ZDHHC17: variants seen among roughly 807,000 people sequenced by gnomAD.
The protein encoded by ZDHHC17 is palmitoyltransferase ZDHHC17.
ZDHHC17 carries 40 observed loss-of-function variants against 90.3 expected under a neutral mutation model. The observed-to-expected ratio is 0.44, with a 90% CI of 0.34 to 0.58. The LOEUF (loss-of-function observed/expected upper bound fraction) is 0.58. ZDHHC17 is among the 20% of genes least tolerant of loss of function. The pLI is 0.01. For missense variants in ZDHHC17, 614 were observed against 780.8 expected, an observed-to-expected ratio of 0.79 and a Z score of 2.55; for synonymous variants, 235 against 252.4, an observed-to-expected ratio of 0.93 and a Z score of 0.65.
intron 5 of ZDHHC17, chr12:76,813,295 A>T (rs1565786922): frequency 4.6e-6 from 2 of 430,230 alleles, no homozygotes; most frequent in East Asian, 7.3e-5. Context: ...CAGAAAACAT[A>T]TTTTTTTTAA....
chr12:76,851,977 A>T lies in ZDHHC17; in HGVS notation c.*992A>T, dbSNP rs1466072241. 3 of 152,638 alleles carry T rather than the reference A, an allele frequency of 2.0e-5. No homozygotes were observed. The highest frequency in any genetic ancestry group is 2.0e-4 in the Admixed American group (3 of 15,286). The allele number at this position is 152,638 out of a possible 1,614,324, so 9.5% of individuals were successfully genotyped here. ...AAGATGGAGCATGATCTAAGTACAT[A>T]GCACATGTGAATAAAAGAAAAGCTG... On this transcript the variant is annotated 3_prime_UTR_variant, in exon 17 of 17. Transcript: ENST00000426126.
At position 76,822,318 on chromosome 12, in the gene ZDHHC17, A is replaced by G; in HGVS notation, c.772-88A>G. 2.6e-6 allele frequency: 4 copies of G among 1,518,808 alleles called. No homozygotes were observed. The South Asian group carries it at 3.6e-5, about 14-fold the overall frequency. 94.1% of individuals were successfully genotyped at this position (1,518,808 alleles called of 1,614,324 possible). On this transcript the variant is annotated intron_variant, in intron 7 of 16. Transcript: ENST00000426126. ...TCAAAACAACGTTAATAGGGCAGTAAATTAATTTTTATAGAAGTTCTTTAA... is the reference window on the plus strand; with the variant it reads ...TCAAAACAACGTTAATAGGGCAGTAGATTAATTTTTATAGAAGTTCTTTAA...
At chr12:76,773,379 TC>T (rs1273734829) in intron 1 of ZDHHC17, among the ~76,000 whole-genome samples, 1 of 152,210 alleles carries the variant, frequency 6.6e-6, no homozygotes, top group African/African-American at 2.4e-5. Flanking sequence ...TTAGTAATAT[TC>T]ATTTAAAGTT....
intron 10 of ZDHHC17, among the ~76,000 whole-genome samples, chr12:76,837,366 G>A (rs988032729): frequency 2.0e-5 from 3 of 152,104 alleles, no homozygotes; most frequent in Non-Finnish European, 4.4e-5. Context: ...GTGGTGGTGC[G>A]TGCCTATAGT....
At chr12:76,797,408 C>G (rs1219680608) in intron 1 of ZDHHC17, 26 bp from the exon 2 acceptor site, 1 of 1,530,982 alleles carries the variant, frequency 6.5e-7, no homozygotes, top group South Asian at 1.2e-5. Flanking sequence ...TCAATTCTTG[C>G]CTGTGTGTGA....
At position 76,764,343 on chromosome 12, in the gene ZDHHC17, C is replaced by T. The variant is rs772715253; in HGVS notation, c.93+14C>T. 5.1e-6 allele frequency: 8 copies of T among 1,574,922 alleles called. No individual in the cohort carries two copies. In the South Asian group the frequency reaches 7.0e-5, roughly 14 times the overall value. On this transcript the variant is annotated intron_variant, in intron 1 of 16. Transcript: ENST00000426126. ...CTCCACCCAGAGGTGAGGAACCGTG[C>T]TGAGTGGATTCCTTGCCCTGCGGCC...
intron 1 of ZDHHC17, among the ~76,000 whole-genome samples, chr12:76,794,113 C>T (rs969240722): frequency 6.6e-5 from 10 of 152,146 alleles, no homozygotes; most frequent in Admixed American, 1.3e-4. Context: ...TCTCAACCTC[C>T]TGACCTTGTG....
At chr12:76,809,661 T>C (rs958589472) in intron 4 of ZDHHC17, 52 bp from the exon 5 acceptor site, 3 of 1,335,716 alleles carry the variant, frequency 2.2e-6, no homozygotes, top group Non-Finnish European at 2.9e-6. Flanking sequence ...TCCCAGAGGA[T>C]CCTGTTTGAA....
intron 2 of ZDHHC17, among the ~76,000 whole-genome samples, chr12:76,804,653 G>A (rs771582698): frequency 2.0e-5 from 3 of 152,132 alleles, no homozygotes; most frequent in Non-Finnish European, 4.4e-5. Context: ...GGAAAAGGAC[G>A]GGGTAAGGGG....
chr12:76,785,993 T>C (rs545392140), intron 1 of ZDHHC17, among the ~76,000 whole-genome samples: 1 of 152,312 alleles, frequency 6.6e-6, no homozygotes, highest in Admixed American at 6.5e-5. Context: ...CCATTTGTGA[T>C]AATATTAATA....
chr12:76,846,904 C>T (rs1953502060), intron 14 of ZDHHC17, among the ~76,000 whole-genome samples: 2 of 152,274 alleles, frequency 1.3e-5, no homozygotes, highest in South Asian at 4.1e-4. Flanking sequence ...TACTTGTGTC[C>T]TCTGAAAAAC....
chr12:76,835,112 G>A (rs575197787), intron 10 of ZDHHC17, among the ~76,000 whole-genome samples: 2 of 149,300 alleles, frequency 1.3e-5, no homozygotes, highest in African/African-American at 2.5e-5. Flanking sequence ...GTGCATTGGC[G>A]CAATCTCAAC....
chr12:76,845,926 T>G, intron 13 of ZDHHC17, 124 bp downstream of exon 13: 1 of 498,500 alleles, frequency 2.0e-6, no homozygotes, highest in East Asian at 3.4e-5. Context: ...CTCAGTTATC[T>G]TCTGGTTGAC....
chr12:76,784,926 T>C (rs1952668207), intron 1 of ZDHHC17, among the ~76,000 whole-genome samples: 1 of 152,194 alleles, frequency 6.6e-6, no homozygotes, highest in Non-Finnish European at 1.5e-5. Context: ...CTCGTTGACT[T>C]TCTGGAATGC....
intron 14 of ZDHHC17, 125 bp from the exon 15 acceptor site, chr12:76,848,108 A>G (rs1953516748): frequency 5.5e-6 from 5 of 916,150 alleles, no homozygotes; most frequent in Admixed American, 2.7e-5. Flanking sequence ...GACATTTGCT[A>G]TTGAATGTCA....
intron 10 of ZDHHC17, among the ~76,000 whole-genome samples, chr12:76,831,276 C>T (rs570152865): frequency 4.6e-5 from 7 of 152,162 alleles, no homozygotes; most frequent in Middle Eastern, 3.4e-3. Context: ...AGTTTATAGC[C>T]AAATTGATTT....
chr12:76,782,284 C>A (rs1565764047), intron 1 of ZDHHC17, among the ~76,000 whole-genome samples: 1 of 152,058 alleles, frequency 6.6e-6, no homozygotes, highest in Non-Finnish European at 1.5e-5. Flanking sequence ...AATAGTTAGG[C>A]CTCCCTCCCT....
At chr12:76,784,631 C>G (rs1420639337) in intron 1 of ZDHHC17, among the ~76,000 whole-genome samples, 1 of 152,158 alleles carries the variant, frequency 6.6e-6, no homozygotes, top group African/African-American at 2.4e-5. Context: ...ATTGGTTCAG[C>G]TTATACAATT....
chr12:76,830,115 G>T (rs1953281983), intron 10 of ZDHHC17, among the ~76,000 whole-genome samples: 1 of 152,166 alleles, frequency 6.6e-6, no homozygotes, highest in Admixed American at 6.5e-5. Context: ...AAGTTAGACT[G>T]ATTTATTGTA....
Sources: allele counts gnomAD v4.1 joint callset (sites outside exome capture counted in the v4.1 genomes callset), GRCh38; gene constraint gnomAD v4.1.1; transcripts MANE v1.5; gene names NCBI Gene and HGNC (gene_info 2026-07-23, HGNC 2026-07-21).